The following NRP2 variants were observed in gnomAD, a reference collection of about 807,000 sequenced individuals.
NRP2 encodes the protein neuropilin-2.
A neutral mutation model predicts 110.4 loss-of-function variants in NRP2; 52 were observed. The observed-to-expected ratio is 0.47, with a 90% CI of 0.38 to 0.59. The LOEUF (loss-of-function observed/expected upper bound fraction) is 0.59. Ranked by LOEUF, NRP2 falls within the 20% of genes least tolerant of loss-of-function variation. The probability of loss-of-function intolerance (pLI) is 0.00; values close to 1 mark genes in which losing one functional copy is unlikely to be tolerated. For synonymous variants in NRP2, 508 were observed against 468.9 expected, an observed-to-expected ratio of 1.08 and a Z score of -1.08; for missense variants, 1,049 against 1,203.0, an observed-to-expected ratio of 0.87 and a Z score of 1.89.
At chr2:205,698,221 T>TA (rs35600028) in intron 2 of NRP2, among the ~76,000 whole-genome samples, 115 of 141,738 alleles carry the variant, frequency 8.1e-4, no homozygotes, top group South Asian at 1.4e-3. Flanking sequence ...AAAAAAAGGG[T>TA]AAAAAAAAAA....
At chr2:205,734,093 T>A (rs888314783) in intron 7 of NRP2, among the ~76,000 whole-genome samples, 2 of 151,836 alleles carry the variant, frequency 1.3e-5, no homozygotes, top group South Asian at 2.1e-4. Flanking sequence ...GTCATCAGAG[T>A]CCTAAATGTG....
At chr2:205,764,031 T>C in intron 13 of NRP2, 95 bp downstream of exon 13, 1 of 1,482,440 alleles carries the variant, frequency 6.7e-7, no homozygotes, top group Non-Finnish European at 9.2e-7. Context: ...AGCGCTACTG[T>C]TTTCATTGTG....
At chr2:205,738,203 A>G (rs1354356899) in intron 7 of NRP2, among the ~76,000 whole-genome samples, 1 of 152,152 alleles carries the variant, frequency 6.6e-6, no homozygotes, top group East Asian at 1.9e-4. Flanking sequence ...CCAATTATGC[A>G]TTCACGTGAC....
chr2:205,769,813 A>C (rs2105932332), intron 15 of NRP2, among the ~76,000 whole-genome samples: 1 of 152,270 alleles, frequency 6.6e-6, no homozygotes, highest in Middle Eastern at 3.4e-3. Flanking sequence ...CAAATGAAAA[A>C]CCGTGTGTAT....
At chr2:205,738,523 C>T (rs534841916) in intron 7 of NRP2, among the ~76,000 whole-genome samples, 8 of 152,300 alleles carry the variant, frequency 5.3e-5, no homozygotes, top group African/African-American at 1.4e-4. Flanking sequence ...TTTTTCAGTA[C>T]GAAGGAAGTA....
chr2:205,707,429 C>T (rs1264283207), intron 2 of NRP2, among the ~76,000 whole-genome samples: 1 of 152,166 alleles, frequency 6.6e-6, no homozygotes, highest in Non-Finnish European at 1.5e-5. Context: ...ACAAGTTTGC[C>T]CCTGGAGCCA....
At chr2:205,792,945 A>C (rs2058317645) in intron 16 of NRP2, among the ~76,000 whole-genome samples, 1 of 152,232 alleles carries the variant, frequency 6.6e-6, no homozygotes, top group Non-Finnish European at 1.5e-5. Flanking sequence ...GTTGATCTCC[A>C]ACAGACTCAA....
rs562140322 is a variant in NRP2, at chr2:205,704,810, C to T, written c.251+7089C>T. On this transcript the variant is annotated intron_variant, in intron 2 of 16. Coordinates refer to ENST00000357785, the MANE Select transcript of NRP2 (RefSeq NM_003872.3). Reference sequence around the variant, plus strand: ...CTTGAGATGTTATCATGCACAATCCCACTTGTTCTGCCTCTCCACCCTGGC... The same window carrying T: ...CTTGAGATGTTATCATGCACAATCCTACTTGTTCTGCCTCTCCACCCTGGC... 9.5e-4 allele frequency among the ~76,000 whole-genome samples: 145 copies of T among 152,288 alleles called. 1 individual carries two copies. The highest frequency in any genetic ancestry group is 3.0e-3 in the African/African-American group (126 of 41,548).
chr2:205,748,392 G>C (rs1451774194), intron 10 of NRP2, among the ~76,000 whole-genome samples: 4 of 152,182 alleles, frequency 2.6e-5, no homozygotes, highest in Non-Finnish European at 5.9e-5. Context: ...ATTATGTTTT[G>C]CCTTACTGCC....
Position 205,700,211 on chromosome 2 carries a change from C to T in NRP2, c.251+2490C>T, listed in dbSNP as rs528666755. 3.2e-4 allele frequency among the ~76,000 whole-genome samples: 49 copies of T among 152,318 alleles called. No homozygotes were observed. The South Asian group carries it at 9.5e-3, about 30-fold the overall frequency. On this transcript the variant is annotated intron_variant, in intron 2 of 16. Transcript: ENST00000357785. ...CCCTCTCTCTTCCATACTGCATTTT[C>T]GTTCCAAGGGAGCTCCTGGGTTTGG...
chr2:205,749,801 G>A lies in NRP2; in HGVS notation c.1863G>A (p.Glu621=). ...EETTTPYPTE[E]EATECGENCS... ...CAACCACCCCCTACCCCACCGAAGA[G>A]GAGGCCACAGAGTGTGGGGAGAACT... The change falls in exon 11 of 17, where the codon GAG becomes GAA. Residue 621 remains glutamate, a synonymous_variant. Coordinates refer to ENST00000357785, the MANE Select transcript of NRP2 (RefSeq NM_003872.3). 6.2e-7 allele frequency: 1 copy of A among 1,614,162 alleles called. No homozygotes were observed. Among genetic ancestry groups the A allele is most frequent in the Non-Finnish European group, 8.5e-7 (1 of 1,180,008 alleles).
chr2:205,792,695 G>A (rs1214839276), intron 16 of NRP2, among the ~76,000 whole-genome samples: 1 of 152,130 alleles, frequency 6.6e-6, no homozygotes, highest in African/African-American at 2.4e-5. Flanking sequence ...CTGGTTCCCT[G>A]GCTTGGGGGA....
intron 2 of NRP2, among the ~76,000 whole-genome samples, chr2:205,709,879 A>G (rs936965753): frequency 2.0e-5 from 3 of 152,200 alleles, no homozygotes. Context: ...TCACATATGG[A>G]TATATATGTG....
chr2:205,686,973 A>G lies in NRP2; in HGVS notation c.73+3610A>G, dbSNP rs1347235433. Among the ~76,000 whole-genome samples the G allele has an allele frequency of 6.6e-6, 1 of 152,096 alleles. No homozygotes were observed. Among genetic ancestry groups the G allele is most frequent in the Non-Finnish European group, 1.5e-5 (1 of 68,016 alleles). On this transcript the variant is annotated intron_variant, in intron 1 of 16. Coordinates refer to ENST00000357785, the MANE Select transcript of NRP2 (RefSeq NM_003872.3). This position sits in a 1 kb window ranked among gnomAD's most constrained non-coding sequence, Gnocchi z 4.7. ...CTCAGAAAATCATTCAAGTCCTGAC[A>G]ATGGGTTTCTTCAAATGGTGGCAAC...
chr2:205,689,028 T>C (rs2056245093), intron 1 of NRP2, among the ~76,000 whole-genome samples: 1 of 151,946 alleles, frequency 6.6e-6, no homozygotes, highest in Non-Finnish European at 1.5e-5. Context: ...GTGGAGAAGG[T>C]GTTAAGTGCT....
At chr2:205,742,306 G>T (rs1406877787) in intron 8 of NRP2, among the ~76,000 whole-genome samples, 4 of 152,170 alleles carry the variant, frequency 2.6e-5, no homozygotes, top group Non-Finnish European at 5.9e-5. Context: ...GGCACACACT[G>T]GGAATGGGAC....
chr2:205,786,457 A>T (rs2058237068), intron 15 of NRP2, among the ~76,000 whole-genome samples: 3 of 152,244 alleles, frequency 2.0e-5, no homozygotes, highest in Admixed American at 2.0e-4. Context: ...CAAATAAATC[A>T]CAGCCCCCAA....
chr2:205,694,403 C>T (rs558076396), intron 1 of NRP2, among the ~76,000 whole-genome samples: 1 of 152,192 alleles, frequency 6.6e-6, no homozygotes, highest in Non-Finnish European at 1.5e-5. Flanking sequence ...AGCCTTCCCT[C>T]CCAGGTATAG....
At chr2:205,747,256 G>A (rs1444219476) in intron 10 of NRP2, among the ~76,000 whole-genome samples, 1 of 152,202 alleles carries the variant, frequency 6.6e-6, no homozygotes, top group East Asian at 1.9e-4. Flanking sequence ...ATGGGTAAGT[G>A]CTTGGACTCT....
Sources: gnomAD v4.1 joint callset for allele counts (sites outside exome capture counted in the v4.1 genomes callset) on GRCh38, gnomAD v4.1.1 for gene constraint, Gnocchi (gnomAD v3.1) non-coding constraint, MANE v1.5 for transcripts, NCBI Gene and HGNC (gene_info 2026-07-23, HGNC 2026-07-21) for gene names.